XKR6: variants seen among roughly 807,000 people sequenced by gnomAD.
XKR6 encodes the protein XK related 6.
A neutral mutation model predicts 56.7 loss-of-function variants in XKR6; 22 were observed. The ratio of observed to expected loss-of-function variants is 0.39; its 90% CI spans 0.28 to 0.55. XKR6 has a LOEUF of 0.55. Among genes scored for constraint, XKR6 ranks in the 20% least tolerant of loss-of-function variants. XKR6 has a pLI of 0.66. For missense variants in XKR6, 852 were observed against 889.0 expected (o/e 0.96, Z 0.53); for synonymous variants, 524 against 387.8 (o/e 1.35, Z -4.13).
chr8:11,072,569 C>G (rs974379654), intron 1 of XKR6, among the ~76,000 whole-genome samples: 1 of 152,166 alleles, frequency 6.6e-6, no homozygotes, highest in Admixed American at 6.5e-5. Context: ...AAAGTCCACA[C>G]GTCTCATGTT....
chr8:10,977,666 C>T (rs141296087), intron 1 of XKR6, among the ~76,000 whole-genome samples: 165 of 149,426 alleles, frequency 1.1e-3, no homozygotes, highest in African/African-American at 3.9e-3. Context: ...CCCTCTGCCT[C>T]GAAAGGTCTA....
chr8:10,926,466 C>T (rs1800889216), intron 1 of XKR6, among the ~76,000 whole-genome samples: 1 of 152,064 alleles, frequency 6.6e-6, no homozygotes, highest in Non-Finnish European at 1.5e-5. Flanking sequence ...GCCAGGGAAG[C>T]TGCAATGGAT....
At chr8:11,020,011 T>G (rs1009529323) in intron 1 of XKR6, among the ~76,000 whole-genome samples, 15 of 152,144 alleles carry the variant, frequency 9.9e-5, no homozygotes, top group Non-Finnish European at 2.2e-4. Flanking sequence ...CAGGAAGGAA[T>G]GGCAGGCCTC....
chr8:10,988,446 C>A (rs1325666760), intron 1 of XKR6, among the ~76,000 whole-genome samples: 1 of 152,192 alleles, frequency 6.6e-6, no homozygotes, highest in Non-Finnish European at 1.5e-5. Flanking sequence ...CCCTGGCGTG[C>A]CTTACAGAGC....
intron 1 of XKR6, chr8:11,194,942 T>G (rs1803790873): frequency 1.8e-6 from 1 of 546,096 alleles, no homozygotes. Context: ...GCATGCCATT[T>G]TTTCATCCCC....
intron 1 of XKR6, among the ~76,000 whole-genome samples, chr8:11,031,531 G>A (rs899513668): frequency 2.0e-5 from 3 of 152,228 alleles, no homozygotes; most frequent in Non-Finnish European, 4.4e-5. Flanking sequence ...CATGAGAATA[G>A]AACAGTAAGG....
intron 2 of XKR6, among the ~76,000 whole-genome samples, chr8:10,916,384 A>G (rs1048067494): frequency 6.6e-6 from 1 of 152,228 alleles, no homozygotes; most frequent in Non-Finnish European, 1.5e-5. Flanking sequence ...AGTTTGAAGT[A>G]ATCACCTTTT....
chr8:11,062,857 G>A (rs1234116449), intron 1 of XKR6: 1 of 456,252 alleles, frequency 2.2e-6, no homozygotes, highest in Non-Finnish European at 4.4e-6. Context: ...TAGCCAATGG[G>A]AGGTGAGTGG....
chr8:10,997,651 G>C (rs1390866491), intron 1 of XKR6, among the ~76,000 whole-genome samples: 1 of 152,188 alleles, frequency 6.6e-6, no homozygotes, highest in Non-Finnish European at 1.5e-5. Context: ...GAGGCGTGTG[G>C]AAATGCAATG....
intron 1 of XKR6, among the ~76,000 whole-genome samples, chr8:11,110,979 G>C (rs905031851): frequency 2.0e-5 from 3 of 150,856 alleles, no homozygotes; most frequent in African/African-American, 4.9e-5. Context: ...TGGGACTACA[G>C]GCGCCTGCCA....
At position 10,898,785 on chromosome 8, in the gene XKR6, G is replaced by C. The variant is rs751165422; in HGVS notation, c.1093C>G (p.Leu365Val). ...RGAIIQVFWR[L>V]FTISSRVISF... ...ATCACTCGGGATGAGATGGTGAAGA[G>C]GCGCCAGAAGACCTGGATGATGGCC... The change falls in exon 3 of 3, where the codon CTC (leucine) becomes GTC (valine). Residue 365 changes from leucine (L) to valine (V), a missense_variant. Physicochemically the swap from Leu to Val is conservative, Grantham distance 32. This residue lies in a region of XKR6 where 199 missense variants were observed against 280.4 expected (regional missense o/e 0.71). Coordinates refer to ENST00000416569, the MANE Select transcript of XKR6 (RefSeq NM_173683.4). This position sits in a 1 kb window ranked among gnomAD's most constrained non-coding sequence, Gnocchi z 6.6. 6.2e-7 allele frequency: 1 copy of C among 1,614,174 alleles called. No individual in the cohort carries two copies. Among genetic ancestry groups the C allele is most frequent in the Non-Finnish European group, 8.5e-7 (1 of 1,180,040 alleles).
chr8:11,022,380 C>T (rs916268523), intron 1 of XKR6, among the ~76,000 whole-genome samples: 6 of 152,096 alleles, frequency 3.9e-5, no homozygotes, highest in African/African-American at 1.2e-4. Flanking sequence ...TTATGCTCTA[C>T]CTGCAGCGAC....
chr8:10,950,324 G>A (rs1399664523), intron 1 of XKR6, among the ~76,000 whole-genome samples: 1 of 152,226 alleles, frequency 6.6e-6, no homozygotes, highest in Non-Finnish European at 1.5e-5. Flanking sequence ...AAGCTCAGAA[G>A]GGCCTCATCT....
At chr8:10,976,058 C>T in intron 1 of XKR6, among the ~76,000 whole-genome samples, 1 of 152,112 alleles carries the variant, frequency 6.6e-6, no homozygotes, top group East Asian at 1.9e-4. Context: ...CGCCTGTAGT[C>T]CCAGCTACTT....
chr8:11,074,788 A>G (rs143008960), intron 1 of XKR6, among the ~76,000 whole-genome samples: 1 of 152,310 alleles, frequency 6.6e-6, no homozygotes, highest in East Asian at 1.9e-4. Flanking sequence ...GACCTCTGTG[A>G]TAGGATCACA....
intron 1 of XKR6, among the ~76,000 whole-genome samples, chr8:11,125,088 CAA>C (rs534903006): frequency 1.0e-4 from 8 of 77,544 alleles, no homozygotes; most frequent in Admixed American, 3.0e-4. Flanking sequence ...GACTCTGTCT[CAA>C]AAAAAAAAAA....
chr8:10,984,730 C>CTATATATATATATATATA (rs1292575640), intron 1 of XKR6, among the ~76,000 whole-genome samples: 12 of 63,670 alleles, frequency 1.9e-4, no homozygotes, highest in African/African-American at 3.5e-4. Context: ...CTCTCTCTCT[C>CTATATATATATATATATA]TCTATATATA....
intron 1 of XKR6, among the ~76,000 whole-genome samples, chr8:11,184,105 T>C (rs2409723): frequency 0.11 from 16,027 of 152,212 alleles, 1,049 homozygotes; most frequent in African/African-American, 0.18. Context: ...ATACATAGTG[T>C]ATATTTGACC....
In XKR6 at chr8:11,173,581, T is replaced by A. The variant is rs147320058; in HGVS notation, c.764+26995A>T. On this transcript the variant is annotated intron_variant, in intron 1 of 2. Coordinates refer to ENST00000416569, the MANE Select transcript of XKR6 (RefSeq NM_173683.4). The stretch of plus-strand genomic sequence containing the variant: ...ACTTCTGTGTGCTTGGGTTTCCACA[T>A]CTGTAAGATGGGGTCACCATGAGAG... 4.3e-3 allele frequency among the ~76,000 whole-genome samples: 661 copies of A among 152,096 alleles called. 3 individuals carry two copies. The highest frequency in any genetic ancestry group is 0.015 in the African/African-American group (629 of 41,476).
Sources: allele counts gnomAD v4.1 joint callset (sites outside exome capture counted in the v4.1 genomes callset), GRCh38; gene constraint gnomAD v4.1.1; regional missense constraint gnomAD v4.1.1; non-coding constraint Gnocchi (gnomAD v3.1); transcripts MANE v1.5; gene names NCBI Gene and HGNC (gene_info 2026-07-23, HGNC 2026-07-21).